BRAT1: variants seen among roughly 807,000 people sequenced by gnomAD.
BRAT1 encodes the protein BRCA1 associated ATM activator 1.
In BRAT1, 74 loss-of-function variants were observed where a neutral mutation model predicts 70.6. The observed-to-expected ratio is 1.05, with a 90% confidence interval of 0.87 to 1.27. The LOEUF is 1.27. Among genes scored for constraint, BRAT1 ranks in the 50% most tolerant of loss-of-function variants. The pLI, the probability that BRAT1 is intolerant of heterozygous loss-of-function variation, is 0.00. For missense variants in BRAT1, 1,203 were observed against 1,098.2 expected, an observed-to-expected ratio of 1.10 and a Z score of -1.35; for synonymous variants, 615 against 517.1, an observed-to-expected ratio of 1.19 and a Z score of -2.57.
intron 6 of BRAT1, 35 bp from the exon 7 acceptor site, chr7:2,542,246 G>C: frequency 6.6e-7 from 1 of 1,516,598 alleles, no homozygotes; most frequent in South Asian, 1.2e-5. Context: ...CCGCGACCCT[G>C]GCTGCGAGAC....
chr7:2,547,707 G>A (rs1779718627), intron 2 of BRAT1, among the ~76,000 whole-genome samples: 1 of 152,222 alleles, frequency 6.6e-6, no homozygotes, highest in Non-Finnish European at 1.5e-5. Flanking sequence ...GCGGAACACT[G>A]TCACCTTTCA....
rs776723226 is a variant in BRAT1 at position 2,541,754 on chromosome 7, G to A, written c.1098C>T (p.Cys366=). Residue 366 remains cysteine (C), a synonymous_variant, in exon 8 of 14, where the codon TGC becomes TGT. Transcript: ENST00000340611. ...GCTCCTCCAGGTGAGCCAGGGTGCG[G>A]CACAGGAGGCCGGCGCAGGACGACT... is the stretch of plus-strand genomic sequence containing the variant. ...ASKSSCAGLL[C]RTLAHLEELQ... 6 of 1,611,520 alleles carry A rather than the reference G, an allele frequency of 3.7e-6. No individual in the cohort carries two copies. Among genetic ancestry groups the A allele is most frequent in the South Asian group, 1.1e-5 (1 of 90,850 alleles).
chr7:2,539,392 C>A, intron 12 of BRAT1, 41 bp from the exon 13 acceptor site: 1 of 1,570,396 alleles, frequency 6.4e-7, no homozygotes, highest in Non-Finnish European at 8.7e-7. Flanking sequence ...GACTGAGGGC[C>A]GAGCCTTGTC....
intron 2 of BRAT1, among the ~76,000 whole-genome samples, chr7:2,551,687 A>G (rs1340768717): frequency 1.3e-5 from 2 of 151,872 alleles, no homozygotes; most frequent in Non-Finnish European, 2.9e-5. Context: ...CTCAAAAAAA[A>G]AAAAAAAGAA....
chr7:2,552,744 T>C (rs910714844), intron 2 of BRAT1, among the ~76,000 whole-genome samples: 10 of 131,602 alleles, frequency 7.6e-5, no homozygotes, highest in African/African-American at 2.9e-4. Context: ...TATGACACTA[T>C]TTTTTTTTTT....
intron 13 of BRAT1, 61 bp from the exon 14 acceptor site, chr7:2,538,825 C>T: frequency 6.3e-7 from 1 of 1,581,312 alleles, no homozygotes; most frequent in Non-Finnish European, 8.5e-7. Context: ...GCTCCCGCAA[C>T]AGGACTCCGG....
In BRAT1 at chr7:2,537,886, G is replaced by C. The variant is rs1778803535; in HGVS notation, c.*183C>G. 9.8e-7 allele frequency: 1 copy of C among 1,020,856 alleles called. No homozygotes were observed. The highest frequency in any genetic ancestry group is 2.9e-5 in the East Asian group (1 of 34,364). 63.2% of individuals were successfully genotyped at this position (1,020,856 alleles called of 1,614,324 possible). A position where few individuals can be genotyped will look rare whatever the true frequency, so the allele number is the denominator to read the frequency against. On this transcript the variant is annotated 3_prime_UTR_variant, in exon 14 of 14. Transcript: ENST00000340611. ...ACTTCAATGCCATTTATTTTGAGTA[G>C]AAATAAGTCATTTCTTTAATACATC...
intron 2 of BRAT1, among the ~76,000 whole-genome samples, chr7:2,552,117 T>A (rs1304529774): frequency 1.2e-4 from 11 of 90,380 alleles, no homozygotes; most frequent in African/African-American, 1.2e-4. Context: ...TTTTTTTTTT[T>A]TTTTTTTTTT....
At position 2,548,072 on chromosome 7, in the gene BRAT1, C is replaced by T. The variant is rs11982342; in HGVS notation, c.128-594G>A. On this transcript the variant is annotated intron_variant, in intron 2 of 13. Coordinates refer to ENST00000340611, the MANE Select transcript of BRAT1 (RefSeq NM_152743.4). ...GCACACGGCACACTCCAGCCCTGGG[C>T]GACAGAGCGAGACTCCATTCCAAAA... 8.2e-3 allele frequency among the ~76,000 whole-genome samples: 1,150 copies of T among 139,582 alleles called. 21 individuals are homozygous for T. Among genetic ancestry groups the T allele is most frequent in the African/African-American group, 0.029 (1,090 of 37,206 alleles). The allele number at this position is 139,582 out of a possible 152,430, so 91.6% of individuals were successfully genotyped here.
intron 13 of BRAT1, 191 bp from the exon 14 acceptor site, chr7:2,538,955 G>A (rs1778918642): frequency 6.2e-6 from 9 of 1,447,332 alleles, no homozygotes; most frequent in Non-Finnish European, 8.1e-6. Flanking sequence ...CTGTCAAATG[G>A]AGGTAACCAT....
Position 2,554,391 on chromosome 7 carries a change from G to C in BRAT1, c.41C>G (p.Ala14Gly). 1 of 1,613,992 alleles carries C rather than the reference G, an allele frequency of 6.2e-7. No individual in the cohort carries two copies. Among genetic ancestry groups the C allele is most frequent in the Non-Finnish European group, 8.5e-7 (1 of 1,179,924 alleles). Residue 14 changes from alanine (A) to glycine (G), a missense_variant, in exon 2 of 14, where the codon GCT (alanine) becomes GGT (glycine). Transcript: ENST00000340611. ...ECAQLLPALC[A>G]VLVDPRQPVA... ...CGGCTGCCTGGGATCTACCAGAACA[G>C]CACAGAGAGCCGGGAGCAGCTGGGC...
Position 2,539,283 on chromosome 7 carries a change from C to G in BRAT1, c.1666G>C (p.Asp556His). The G allele has an allele frequency of 6.2e-7, 1 of 1,612,048 alleles. No individual in the cohort carries two copies. The highest frequency in any genetic ancestry group is 1.3e-5 in the African/African-American group (1 of 75,018). The change falls in exon 13 of 14, where the codon GAC becomes CAC. Residue 556 changes from aspartate (D) to histidine (H), a missense_variant. Physicochemically the swap from Asp to His is moderately conservative, Grantham distance 81. Transcript: ENST00000340611. The part of the protein sequence containing the change: ...VPQLALQLLQ[D>H]PESYVRASAV... ...CTCGCTCGGACATAACTCTCAGGGT[C>G]CTGGAGGAGCTGCAGGGCCAGCTGA...
At chr7:2,549,118 C>T (rs1779818649) in intron 2 of BRAT1, among the ~76,000 whole-genome samples, 1 of 152,180 alleles carries the variant, frequency 6.6e-6, no homozygotes, top group Non-Finnish European at 1.5e-5. Context: ...TGAGGTCCTT[C>T]GGTTGCCTGG....
intron 10 of BRAT1, 165 bp from the exon 11 acceptor site, chr7:2,540,053 G>T: frequency 1.8e-6 from 1 of 565,968 alleles, no homozygotes; most frequent in East Asian, 3.2e-5. Context: ...TAGAGACAGG[G>T]TCTCAATGTG....
intron 8 of BRAT1, 43 bp from the exon 9 acceptor site, chr7:2,541,527 C>G (rs1272618606): frequency 3.3e-6 from 5 of 1,504,944 alleles, no homozygotes; most frequent in Non-Finnish European, 4.5e-6. Flanking sequence ...GGTCCCACTG[C>G]CGGCGTGGAT....
At chr7:2,541,555 T>G in intron 8 of BRAT1, 71 bp from the exon 9 acceptor site, 1 of 1,481,066 alleles carries the variant, frequency 6.8e-7, no homozygotes, top group Non-Finnish European at 9.0e-7. Context: ...TGCTGGGACT[T>G]CGAGGCATGT....
chr7:2,554,795 G>A (rs943332492), intron 1 of BRAT1, among the ~76,000 whole-genome samples: 7 of 152,198 alleles, frequency 4.6e-5, no homozygotes, highest in African/African-American at 1.7e-4. Context: ...AGAGTCAGGG[G>A]CATCTTTGAG....
chr7:2,541,266 C>A (rs774822201), intron 9 of BRAT1, 32 bp downstream of exon 9: 1 of 1,537,816 alleles, frequency 6.5e-7, no homozygotes, highest in South Asian at 1.2e-5. Context: ...ACAGGGATAG[C>A]CCCACGCCAA....
At chr7:2,548,680 A>AC (rs1554297316) in intron 2 of BRAT1, among the ~76,000 whole-genome samples, 2 of 150,770 alleles carry the variant, frequency 1.3e-5, no homozygotes, top group African/African-American at 2.4e-5. Flanking sequence ...AAAAAAAAAA[A>AC]GGCGGGGCGT....
Sources: gnomAD v4.1 joint callset for allele counts (sites outside exome capture counted in the v4.1 genomes callset) on GRCh38, gnomAD v4.1.1 for gene constraint, MANE v1.5 for transcripts, NCBI Gene and HGNC (gene_info 2026-07-23, HGNC 2026-07-21) for gene names.